The following ANKDD1A variants were observed in gnomAD, a reference collection of about 807,000 sequenced individuals.
ANKDD1A encodes ankyrin repeat and death domain containing 1A.
A neutral mutation model predicts 63.5 loss-of-function variants in ANKDD1A; 59 were observed. That is an observed-to-expected ratio of 0.93 (90% CI 0.75 to 1.15). The LOEUF is 1.15. Among genes scored for constraint, ANKDD1A ranks in the 50% most tolerant of loss-of-function variants. ANKDD1A has a pLI of 0.00. For missense variants in ANKDD1A, 632 were observed against 656.4 expected (o/e 0.96, Z 0.41); for synonymous variants, 266 against 263.9 (o/e 1.01, Z -0.08).
chr15:64,951,084 T>C (rs1037431320), intron 14 of ANKDD1A: 3 of 1,199,478 alleles, frequency 2.5e-6, no homozygotes, highest in Non-Finnish European at 3.2e-6. Flanking sequence ...AAGATGACCA[T>C]CATTTAAGGG....
At chr15:64,950,109 C>A in intron 14 of ANKDD1A, 137 bp downstream of exon 14, 1 of 1,475,540 alleles carries the variant, frequency 6.8e-7, no homozygotes, top group South Asian at 1.3e-5. Context: ...ACCCCTAGCC[C>A]TGCCCTCTTT....
intron 1 of ANKDD1A, among the ~76,000 whole-genome samples, chr15:64,915,563 G>C (rs896277444): frequency 1.3e-5 from 2 of 152,186 alleles, no homozygotes; most frequent in Non-Finnish European, 2.9e-5. Flanking sequence ...TCCATCTTCA[G>C]GGTTTCACCA....
intron 12 of ANKDD1A, among the ~76,000 whole-genome samples, chr15:64,946,968 C>T (rs1180866797): frequency 6.6e-6 from 1 of 152,194 alleles, no homozygotes; most frequent in Non-Finnish European, 1.5e-5. Context: ...TAATCCCACC[C>T]TTTACTACCC....
At position 64,930,831 on chromosome 15, in the gene ANKDD1A, A is replaced by T. The variant is rs183862467; in HGVS notation, c.580A>T (p.Thr194Ser). The T allele has an allele frequency of 6.2e-7, 1 of 1,612,722 alleles. No individual in the cohort carries two copies. The highest frequency in any genetic ancestry group is 8.5e-7 in the Non-Finnish European group (1 of 1,179,894). The change falls in exon 7 of 15, where the codon ACT (threonine) becomes TCT (serine). Residue 194 changes from threonine (T) to serine (S), a missense_variant. By Grantham distance (58) the Thr-to-Ser change is moderately conservative. Coordinates refer to ENST00000319580, the MANE Select transcript of ANKDD1A (RefSeq NM_182703.6). ...DHNVKDKEGN[T>S]ALHLAAGRGH... ...GCCCTTTTTCCTGCAGGAGGGGAAC[A>T]CTGCCCTTCATCTGGCTGCTGGTCG...
rs1186838397 is a variant in ANKDD1A, at chr15:64,917,106, A to C, written c.139-280A>C. Among the ~76,000 whole-genome samples, 3 of 152,208 alleles carry C rather than the reference A, an allele frequency of 2.0e-5. No homozygotes were observed. The South Asian group carries it at 6.2e-4, about 32-fold the overall frequency. ...GCAGTGCCAGACCATGCAGCGCCTC[A>C]TCATCCCCAAGGTTAGGAGTTTATC... On this transcript the variant is annotated intron_variant, in intron 2 of 14. Transcript: ENST00000319580.
intron 14 of ANKDD1A, among the ~76,000 whole-genome samples, chr15:64,951,708 T>TCTC (rs2085283798): frequency 7.9e-6 from 1 of 126,344 alleles, no homozygotes; most frequent in Non-Finnish European, 1.6e-5. Flanking sequence ...TCTTCCTTAT[T>TCTC]TTCTTTTTCT....
rs1467249479 is a variant in ANKDD1A at position 64,942,458 on chromosome 15, C to T, written c.868-9C>T. ...ACTGGTCGATTGATCCGTGTATCTCCTCCCACAGCAGGGTGCCTCTCCTCT... is the reference window on the plus strand; with the variant it reads ...ACTGGTCGATTGATCCGTGTATCTCTTCCCACAGCAGGGTGCCTCTCCTCT... On this transcript the variant is annotated splice_polypyrimidine_tract_variant and intron_variant, in intron 9 of 14. Transcript: ENST00000319580. The T allele has an allele frequency of 1.9e-6, 3 of 1,605,932 alleles. No homozygotes were observed. The highest frequency in any genetic ancestry group is 2.6e-6 in the Non-Finnish European group (3 of 1,175,316).
At chr15:64,953,847 T>TTCTTCC (rs2085362312) in intron 14 of ANKDD1A, among the ~76,000 whole-genome samples, 1 of 12,466 alleles carries the variant, frequency 8.0e-5, no homozygotes, top group African/African-American at 1.2e-4. Flanking sequence ...TCTTCTTTTC[T>TTCTTCC]TCTTTCCTCT....
chr15:64,912,662 G>C (rs918673880), intron 1 of ANKDD1A, among the ~76,000 whole-genome samples: 6 of 152,368 alleles, frequency 3.9e-5, no homozygotes, highest in East Asian at 1.9e-4. Flanking sequence ...AGATTGTGTC[G>C]GTGTCTGCAC....
chr15:64,944,803 C>T, intron 12 of ANKDD1A, 56 bp downstream of exon 12: 2 of 1,583,632 alleles, frequency 1.3e-6, no homozygotes, highest in Non-Finnish European at 1.7e-6. Context: ...ATTTTGGCTC[C>T]AGATGGAGCT....
rs375640666 is a variant in ANKDD1A, at chr15:64,952,891, TC to T, written c.1483+2921del. On this transcript the variant is annotated intron_variant, in intron 14 of 14. Coordinates refer to ENST00000319580, the MANE Select transcript of ANKDD1A (RefSeq NM_182703.6). The stretch of plus-strand genomic sequence containing the variant: ...TTCTTCTCTTTCTTCTTCTCCTTCT[TC>T]CTTCTCCTTCCTTCTCTTCTTCTCC... 7.1e-3 allele frequency among the ~76,000 whole-genome samples: 1,026 copies of T among 144,322 alleles called. 41 individuals are homozygous for T. The South Asian group carries it at 0.13, about 18-fold the overall frequency. 94.7% of individuals were successfully genotyped at this position (144,322 alleles called of 152,430 possible).
At chr15:64,926,844 G>T in intron 5 of ANKDD1A, 57 bp from the exon 6 acceptor site, 1 of 1,578,630 alleles carries the variant, frequency 6.3e-7, no homozygotes, top group Non-Finnish European at 8.7e-7. Context: ...GTGGGCAGAG[G>T]CAGGTATGCC....
chr15:64,934,172 G>A lies in ANKDD1A; in HGVS notation c.805G>A (p.Gly269Ser). 6.2e-7 allele frequency: 1 copy of A among 1,612,456 alleles called. No individual in the cohort carries two copies. The highest frequency in any genetic ancestry group is 8.5e-7 in the Non-Finnish European group (1 of 1,179,202). Residue 269 changes from glycine (G) to serine (S), a missense_variant, in exon 9 of 15, where the codon GGC becomes AGC. Coordinates refer to ENST00000319580, the MANE Select transcript of ANKDD1A (RefSeq NM_182703.6). ...CTGCCTTCACTATGCAGCCCTCAGT[G>A]GCTCGGAGGATGTGTCTCGGGTCCT... is the stretch of plus-strand genomic sequence containing the variant. ...LSCLHYAALSGSEDVSRVLIH... is the reference protein window; with the variant it reads ...LSCLHYAALSSSEDVSRVLIH...
chr15:64,954,373 CCTTTT>C (rs560956778), intron 14 of ANKDD1A, among the ~76,000 whole-genome samples: 8,017 of 27,132 alleles, frequency 0.3, 755 homozygotes, highest in African/African-American at 0.33. Context: ...CCTTCTTCTT[CCTTTT>C]CTTTTCTTCT....
chr15:64,917,970 T>C (rs2084982463), intron 3 of ANKDD1A, among the ~76,000 whole-genome samples: 1 of 152,210 alleles, frequency 6.6e-6, no homozygotes, highest in Non-Finnish European at 1.5e-5. Flanking sequence ...CACTGATGAG[T>C]AACGGGGTCT....
At position 64,934,169 on chromosome 15, in the gene ANKDD1A, A is replaced by T. The variant is rs901587008; in HGVS notation, c.802A>T (p.Ser268Cys). ...NLSCLHYAAL[S>C]GSEDVSRVLI... ...AAGCTGCCTTCACTATGCAGCCCTC[A>T]GTGGCTCGGAGGATGTGTCTCGGGT... Residue 268 changes from serine (S) to cysteine (C), a missense_variant, in exon 9 of 15, where the codon AGT (serine) becomes TGT (cysteine). Coordinates refer to ENST00000319580, the MANE Select transcript of ANKDD1A (RefSeq NM_182703.6). 2.5e-6 allele frequency: 4 copies of T among 1,612,314 alleles called. No homozygotes were observed. The East Asian group carries it at 6.7e-5, about 27-fold the overall frequency.
At chr15:64,947,363 C>T in intron 12 of ANKDD1A, 41 bp from the exon 13 acceptor site, 1 of 1,590,398 alleles carries the variant, frequency 6.3e-7, no homozygotes, top group Non-Finnish European at 8.6e-7. Context: ...TGTCTGGGAT[C>T]ATGAGGGAGA....
At chr15:64,921,558 A>G (rs552062192) in intron 3 of ANKDD1A, among the ~76,000 whole-genome samples, 2 of 152,206 alleles carry the variant, frequency 1.3e-5, no homozygotes, top group East Asian at 1.9e-4. Flanking sequence ...TATTTTTAGT[A>G]GAGACGGGGT....
At chr15:64,935,100 C>T (rs1176841981) in intron 9 of ANKDD1A, among the ~76,000 whole-genome samples, 2 of 151,246 alleles carry the variant, frequency 1.3e-5, no homozygotes, top group African/African-American at 2.4e-5. Flanking sequence ...TGGTGGTGTA[C>T]ACATGTAGTC....
Sources: gnomAD v4.1 joint callset for allele counts (sites outside exome capture counted in the v4.1 genomes callset) on GRCh38, gnomAD v4.1.1 for gene constraint, MANE v1.5 for transcripts, NCBI Gene and HGNC (gene_info 2026-07-23, HGNC 2026-07-21) for gene names.